The following THSD7B variants were observed in gnomAD, a reference collection of about 807,000 sequenced individuals.
THSD7B encodes thrombospondin type 1 domain containing 7B, also known as thrombospondin type-1 domain-containing protein 7B.
THSD7B carries 138 observed loss-of-function variants against 213.6 expected under a neutral mutation model. The observed-to-expected ratio is 0.65, with a 90% CI of 0.56 to 0.74. The LOEUF is 0.74. THSD7B is among the 30% of genes least tolerant of loss of function. THSD7B has a pLI of 0.00. For missense variants in THSD7B, 1,931 were observed against 1,991.5 expected, an observed-to-expected ratio of 0.97 and a Z score of 0.58; for synonymous variants, 742 against 687.0, an observed-to-expected ratio of 1.08 and a Z score of -1.25.
At chr2:137,118,888 C>T (rs566009049) in intron 5 of THSD7B, among the ~76,000 whole-genome samples, 88 of 152,222 alleles carry the variant, frequency 5.8e-4, no homozygotes, top group Admixed American at 1.3e-3. Flanking sequence ...ACATGTTTTA[C>T]GTGGCAGCAG....
rs970072152 is a variant in THSD7B at position 137,288,072 on chromosome 2, T to G, written c.2500+12046T>G. Reference sequence around the variant, plus strand: ...TTTATGTCAGGTGCCATCTCAGGATTGCATCAGAAACATGTAATGTTTGTA... The same window carrying G: ...TTTATGTCAGGTGCCATCTCAGGATGGCATCAGAAACATGTAATGTTTGTA... On this transcript the variant is annotated intron_variant, in intron 12 of 27. Coordinates refer to ENST00000409968, the MANE Select transcript of THSD7B (RefSeq NM_001316349.2). 2.6e-5 allele frequency among the ~76,000 whole-genome samples: 4 copies of G among 152,134 alleles called. No homozygotes were observed. In the East Asian group the frequency reaches 7.7e-4, roughly 29 times the overall value.
intron 2 of THSD7B, among the ~76,000 whole-genome samples, 163 bp from the exon 3 acceptor site, chr2:137,056,257 G>T (rs1687160905): frequency 6.6e-6 from 1 of 152,162 alleles, no homozygotes; most frequent in Non-Finnish European, 1.5e-5. Context: ...ATTTCAACAA[G>T]AGTGTCCACA....
chr2:137,463,451 T>G (rs1376678237), intron 15 of THSD7B, among the ~76,000 whole-genome samples: 1 of 152,034 alleles, frequency 6.6e-6, no homozygotes, highest in Non-Finnish European at 1.5e-5. Flanking sequence ...ACTCAACTTT[T>G]TACTCTTTCC....
At chr2:137,545,105 C>A (rs548161509) in intron 15 of THSD7B, among the ~76,000 whole-genome samples, 4 of 151,810 alleles carry the variant, frequency 2.6e-5, no homozygotes, top group Admixed American at 2.6e-4. Context: ...TGTGGGAATG[C>A]AGCTGTATTT....
At chr2:137,137,586 G>T (rs1679490947) in intron 5 of THSD7B, among the ~76,000 whole-genome samples, 1 of 152,122 alleles carries the variant, frequency 6.6e-6, no homozygotes, top group Non-Finnish European at 1.5e-5. Context: ...TACAGCCTAG[G>T]AGCAATGGGG....
chr2:137,639,308 G>A (rs776572320), intron 20 of THSD7B, among the ~76,000 whole-genome samples: 5 of 152,192 alleles, frequency 3.3e-5, no homozygotes, highest in Non-Finnish European at 7.3e-5. Context: ...TCCATGTGGT[G>A]TTGAGCCTGA....
chr2:137,493,352 A>G (rs1031702643), intron 15 of THSD7B, among the ~76,000 whole-genome samples: 17 of 152,084 alleles, frequency 1.1e-4, no homozygotes, highest in African/African-American at 4.1e-4. Flanking sequence ...TATTTTGGCC[A>G]CAAAGAGGCA....
chr2:137,033,594 AT>A (rs1435204789), intron 2 of THSD7B, among the ~76,000 whole-genome samples: 3 of 151,522 alleles, frequency 2.0e-5, no homozygotes, highest in Admixed American at 6.6e-5. Context: ...TTTCTTAGAT[AT>A]TATTTTTATT....
At chr2:137,547,994 A>G (rs1680774639) in intron 15 of THSD7B, among the ~76,000 whole-genome samples, 1 of 152,018 alleles carries the variant, frequency 6.6e-6, no homozygotes, top group Non-Finnish European at 1.5e-5. Flanking sequence ...GAACACTGGT[A>G]AGTTCTGAGC....
chr2:137,459,684 T>C lies in THSD7B; in HGVS notation c.3138+8661T>C, dbSNP rs114090553. Among the ~76,000 whole-genome samples the C allele has an allele frequency of 3.4e-3, 514 of 151,900 alleles. 2 individuals are homozygous for C. The highest frequency in any genetic ancestry group is 0.012 in the African/African-American group (495 of 41,460). On this transcript the variant is annotated intron_variant, in intron 15 of 27. Coordinates refer to ENST00000409968, the MANE Select transcript of THSD7B (RefSeq NM_001316349.2). Reference sequence around the variant, plus strand: ...TGTCTTTAAAGAAAAAAAAAAAGATTCAAGATAAAAATAATAATCTCTCTA... The same window carrying C: ...TGTCTTTAAAGAAAAAAAAAAAGATCCAAGATAAAAATAATAATCTCTCTA...
At chr2:137,231,375 T>C (rs1681636393) in intron 8 of THSD7B, 140 bp downstream of exon 8, 7 of 919,522 alleles carry the variant, frequency 7.6e-6, no homozygotes, top group Non-Finnish European at 1.1e-5. Flanking sequence ...AGATTAACAG[T>C]TTCATTTCCC....
chr2:137,009,470 G>A (rs935922608), intron 2 of THSD7B, among the ~76,000 whole-genome samples: 2 of 152,046 alleles, frequency 1.3e-5, no homozygotes, highest in East Asian at 3.9e-4. Context: ...TGTCATATTA[G>A]TCTGTTTTCA....
At chr2:137,164,168 G>A (rs2104988020) in intron 6 of THSD7B, among the ~76,000 whole-genome samples, 1 of 152,240 alleles carries the variant, frequency 6.6e-6, no homozygotes, top group South Asian at 2.1e-4. Flanking sequence ...TTGTGGGAGG[G>A]CAGGAGGTTG....
At chr2:137,040,550 C>T (rs1224203130) in intron 2 of THSD7B, among the ~76,000 whole-genome samples, 3 of 151,990 alleles carry the variant, frequency 2.0e-5, no homozygotes, top group African/African-American at 7.2e-5. Context: ...CACACCACCA[C>T]ACCTGGCTAA....
intron 2 of THSD7B, among the ~76,000 whole-genome samples, chr2:137,044,429 C>T (rs1300303390): frequency 6.6e-6 from 1 of 152,082 alleles, no homozygotes; most frequent in Non-Finnish European, 1.5e-5. Context: ...GAACCTGTGA[C>T]CACCATGATA....
chr2:137,182,355 G>A (rs184995246), intron 7 of THSD7B, among the ~76,000 whole-genome samples: 11 of 152,260 alleles, frequency 7.2e-5, no homozygotes, highest in African/African-American at 2.6e-4. Flanking sequence ...TGACTGGAGA[G>A]AGCTGTGTGC....
chr2:137,644,392 T>C (rs565100181), intron 21 of THSD7B, among the ~76,000 whole-genome samples: 2 of 152,324 alleles, frequency 1.3e-5, no homozygotes, highest in East Asian at 3.9e-4. Context: ...CATTCCAAGA[T>C]ACTGTAATCA....
intron 15 of THSD7B, among the ~76,000 whole-genome samples, chr2:137,513,435 G>A (rs1184019715): frequency 6.6e-6 from 1 of 152,156 alleles, no homozygotes; most frequent in South Asian, 2.1e-4. Flanking sequence ...CTTGATCAAT[G>A]AGGCATAAAA....
At chr2:137,673,869 T>C (rs559102947) in intron 27 of THSD7B, among the ~76,000 whole-genome samples, 2 of 152,270 alleles carry the variant, frequency 1.3e-5, no homozygotes, top group East Asian at 3.9e-4. Context: ...TGTCTGGCAA[T>C]TGGGAGGTTG....
Sources: allele counts gnomAD v4.1 joint callset (sites outside exome capture counted in the v4.1 genomes callset), GRCh38; gene constraint gnomAD v4.1.1; transcripts MANE v1.5; gene names NCBI Gene and HGNC (gene_info 2026-07-23, HGNC 2026-07-21).